NAV2: variants seen among roughly 807,000 people sequenced by gnomAD.
The protein encoded by NAV2 is helicase, APC down-regulated 1.
NAV2 carries 54 observed loss-of-function variants against 223.2 expected under a neutral mutation model. That is an observed-to-expected ratio of 0.24 (90% CI 0.19 to 0.30). NAV2 has a LOEUF of 0.30. NAV2 is among the 10% of genes least tolerant of loss of function. NAV2 has a pLI of 1.00. For synonymous variants in NAV2, 1,279 were observed against 1,239.3 expected (o/e 1.03, Z -0.67); for missense variants, 2,806 against 3,147.5 (o/e 0.89, Z 2.60).
intron 36 of NAV2, chr11:20,114,302 G>A: frequency 4.3e-6 from 2 of 462,608 alleles, no homozygotes; most frequent in Non-Finnish European, 7.8e-6. Flanking sequence ...GATTATCAAG[G>A]CTCAGAGTTT....
At chr11:19,714,614 G>T in intron 1 of NAV2, 1 of 375,938 alleles carries the variant, frequency 2.7e-6, no homozygotes, top group Non-Finnish European at 5.3e-6. Flanking sequence ...CGGTGGGGGT[G>T]GGGGTGGAGG....
intron 6 of NAV2, among the ~76,000 whole-genome samples, chr11:19,917,650 T>G (rs974210240): frequency 1.3e-5 from 2 of 152,234 alleles, no homozygotes; most frequent in Non-Finnish European, 2.9e-5. Flanking sequence ...TCTCACTCTG[T>G]CACCCAGGCT....
intron 1 of NAV2, among the ~76,000 whole-genome samples, chr11:19,644,868 G>C (rs1362065800): frequency 6.6e-6 from 1 of 152,216 alleles, no homozygotes; most frequent in African/African-American, 2.4e-5. Context: ...TGTAGCCCAG[G>C]TTGGGCTTTG....
intron 1 of NAV2, among the ~76,000 whole-genome samples, chr11:19,422,674 A>G (rs996473370): frequency 1.6e-4 from 24 of 152,210 alleles, no homozygotes; most frequent in African/African-American, 5.8e-4. Context: ...CATGGCAACA[A>G]TTACACAGAA....
chr11:19,620,482 T>TCACATCC (rs2046956652), intron 1 of NAV2, among the ~76,000 whole-genome samples: 2 of 152,124 alleles, frequency 1.3e-5, no homozygotes, highest in South Asian at 4.1e-4. Context: ...TCACATCCCT[T>TCACATCC]GTAAGTTGGA....
intron 1 of NAV2, among the ~76,000 whole-genome samples, chr11:19,397,140 G>C (rs1849482356): frequency 6.6e-6 from 1 of 152,142 alleles, no homozygotes; most frequent in African/African-American, 2.4e-5. Flanking sequence ...AGGGCTATGG[G>C]GACTATTCTT....
intron 1 of NAV2, among the ~76,000 whole-genome samples, chr11:19,692,913 G>T (rs1393216111): frequency 1.3e-5 from 2 of 152,214 alleles, no homozygotes; most frequent in East Asian, 3.9e-4. Flanking sequence ...GTGTGCTGTT[G>T]TACATTTGAT....
At chr11:19,540,124 T>C (rs941531963) in intron 1 of NAV2, among the ~76,000 whole-genome samples, 3 of 152,160 alleles carry the variant, frequency 2.0e-5, no homozygotes, top group African/African-American at 7.2e-5. Flanking sequence ...CCAAAAGCCC[T>C]TTCTTTGTTA....
At chr11:19,491,010 T>C (rs2042607829) in intron 1 of NAV2, among the ~76,000 whole-genome samples, 1 of 152,166 alleles carries the variant, frequency 6.6e-6, no homozygotes. Flanking sequence ...TGAGCAATAA[T>C]ATCTCGAAAA....
intron 1 of NAV2, 24 bp from the exon 2 acceptor site, chr11:19,832,460 G>A (rs1366081014): frequency 9.6e-6 from 15 of 1,562,670 alleles, no homozygotes; most frequent in Non-Finnish European, 1.3e-5. Context: ...GCTTCCTAAA[G>A]TTGCCTGTTT....
At chr11:19,735,384 G>T (rs1278194602) in intron 1 of NAV2, among the ~76,000 whole-genome samples, 2 of 152,170 alleles carry the variant, frequency 1.3e-5, no homozygotes, top group East Asian at 3.9e-4. Flanking sequence ...CCTAGGCAGG[G>T]CCTTTGTACA....
chr11:19,711,363 A>G (rs1464799087), upstream of NAV2: 1 of 152,196 alleles, frequency 6.6e-6, no homozygotes, highest in Non-Finnish European at 1.5e-5. Flanking sequence ...CCAACACGGT[A>G]TCAGATTCTT....
intron 1 of NAV2, among the ~76,000 whole-genome samples, chr11:19,370,818 C>A (rs1295567326): frequency 6.6e-6 from 1 of 152,212 alleles, no homozygotes; most frequent in Admixed American, 6.5e-5. Context: ...AGGGGACATG[C>A]ACCAGGAGAC....
chr11:19,804,890 G>A (rs1283522210), intron 1 of NAV2, among the ~76,000 whole-genome samples: 1 of 152,222 alleles, frequency 6.6e-6, no homozygotes, highest in African/African-American at 2.4e-5. Flanking sequence ...AGTTTATGAA[G>A]ACTGTGCATT....
upstream of NAV2, among the ~76,000 whole-genome samples, chr11:19,709,374 C>T (rs1250056439): frequency 2.0e-5 from 3 of 151,732 alleles, no homozygotes; most frequent in African/African-American, 7.3e-5. Context: ...AACCCCGTCT[C>T]TACTAAAAAT....
At chr11:20,013,623 A>G (rs1465527115) in intron 11 of NAV2, among the ~76,000 whole-genome samples, 1 of 152,192 alleles carries the variant, frequency 6.6e-6, no homozygotes, top group Non-Finnish European at 1.5e-5. Context: ...TTACAAGAGA[A>G]ATTACGACCT....
chr11:19,648,312 T>C (rs1171866947), intron 1 of NAV2, among the ~76,000 whole-genome samples: 1 of 152,176 alleles, frequency 6.6e-6, no homozygotes, highest in Non-Finnish European at 1.5e-5. Context: ...ACTATACACA[T>C]CTCTTCCCCT....
intron 10 of NAV2, among the ~76,000 whole-genome samples, chr11:19,982,614 G>C (rs1380230173): frequency 6.6e-6 from 1 of 152,136 alleles, no homozygotes; most frequent in Non-Finnish European, 1.5e-5. Context: ...TTGTGACCTT[G>C]GGGATCATTA....
intron 1 of NAV2, among the ~76,000 whole-genome samples, chr11:19,623,286 T>C (rs1453475745): frequency 2.0e-5 from 3 of 152,322 alleles, no homozygotes; most frequent in African/African-American, 2.4e-5. Context: ...GCATTCTCTG[T>C]ATTTCCTGAA....
Sources: allele counts gnomAD v4.1 joint callset (sites outside exome capture counted in the v4.1 genomes callset), GRCh38; gene constraint gnomAD v4.1.1; transcripts MANE v1.5; gene names NCBI Gene and HGNC (gene_info 2026-07-23, HGNC 2026-07-21).